Variants in SHROOM3 observed in about 807,000 individuals in gnomAD.
SHROOM3 encodes protein Shroom3.
SHROOM3 carries 47 observed loss-of-function variants against 138.6 expected under a neutral mutation model. The observed-to-expected ratio is 0.34, with a 90% CI of 0.27 to 0.43. The LOEUF (loss-of-function observed/expected upper bound fraction) is 0.43. Ranked by LOEUF, SHROOM3 falls within the 20% of genes least tolerant of loss-of-function variation. SHROOM3 has a pLI of 1.00. For missense variants in SHROOM3, 2,491 were observed against 2,596.5 expected, an observed-to-expected ratio of 0.96 and a Z score of 0.88; for synonymous variants, 1,062 against 1,063.3, an observed-to-expected ratio of 1.00 and a Z score of 0.02.
chr4:76,672,052 A>G (rs912665969), intron 2 of SHROOM3, among the ~76,000 whole-genome samples: 1 of 152,170 alleles, frequency 6.6e-6, no homozygotes, highest in Non-Finnish European at 1.5e-5. Flanking sequence ...GTGATACCAT[A>G]GCCCCCACAT....
Position 76,738,919 on chromosome 4 carries a change from T to G in SHROOM3, c.746T>G (p.Leu249Arg). 6.2e-7 allele frequency: 1 copy of G among 1,614,202 alleles called. No individual in the cohort carries two copies. The part of the protein sequence containing the change: ...PAKSTGSIDQ[L>R]SHFHNKRDSA... ...AAGTCCACCGGCAGCATTGACCAGC[T>G]CAGCCACTTCCATAACAAGAGAGAC... is the stretch of plus-strand genomic sequence containing the variant. The change falls in exon 5 of 11, where the codon CTC becomes CGC. Residue 249 changes from leucine (L) to arginine (R), a missense_variant. Physicochemically the swap from Leu to Arg is moderately radical, Grantham distance 102. Coordinates refer to ENST00000296043, the MANE Select transcript of SHROOM3 (RefSeq NM_020859.4).
At chr4:76,619,037 G>A (rs927617369) in intron 2 of SHROOM3, among the ~76,000 whole-genome samples, 6 of 152,022 alleles carry the variant, frequency 3.9e-5, no homozygotes, top group South Asian at 2.1e-4. Context: ...TAGTAGAGAC[G>A]GGGTTTCACA....
chr4:76,720,019 T>G (rs2110122570), intron 3 of SHROOM3, among the ~76,000 whole-genome samples: 1 of 152,328 alleles, frequency 6.6e-6, no homozygotes, highest in East Asian at 1.9e-4. Context: ...ACAACTTTTC[T>G]TTCCAGAAGG....
At chr4:76,513,753 TATC>T (rs1398636124) in intron 1 of SHROOM3, among the ~76,000 whole-genome samples, 1 of 152,214 alleles carries the variant, frequency 6.6e-6, no homozygotes, top group Non-Finnish European at 1.5e-5. Context: ...ACAGAGATAA[TATC>T]TCTGACCTTA....
chr4:76,748,411 AACTG>A lies in SHROOM3; in HGVS notation c.3754-603_3754-600del, dbSNP rs369577708. Among the ~76,000 whole-genome samples the A allele has an allele frequency of 4.1e-4, 62 of 152,168 alleles. No homozygotes were observed. In the East Asian group the frequency reaches 0.01, roughly 25 times the overall value. ...AGGGACCAAACTGTATACTATCAAAAACTGACAACCCTTTCAGGACTCCAGTATA... is the reference window on the plus strand; with the variant it reads ...AGGGACCAAACTGTATACTATCAAAAACAACCCTTTCAGGACTCCAGTATA... On this transcript the variant is annotated intron_variant, in intron 5 of 10. Coordinates refer to ENST00000296043, the MANE Select transcript of SHROOM3 (RefSeq NM_020859.4).
intron 2 of SHROOM3, among the ~76,000 whole-genome samples, chr4:76,599,460 A>G (rs1734459644): frequency 1.3e-5 from 2 of 152,200 alleles, no homozygotes; most frequent in South Asian, 4.1e-4. Flanking sequence ...AAGCTAGTTC[A>G]TCTCCTTTAT....
intron 2 of SHROOM3, among the ~76,000 whole-genome samples, chr4:76,590,138 A>G (rs1734235261): frequency 2.0e-5 from 3 of 152,212 alleles, no homozygotes; most frequent in African/African-American, 7.2e-5. Context: ...ACTGAAAGAG[A>G]GAGCATTAAA....
intron 2 of SHROOM3, among the ~76,000 whole-genome samples, chr4:76,589,489 A>C (rs1443492744): frequency 6.6e-6 from 1 of 152,008 alleles, no homozygotes. Context: ...AAAAAGAAAA[A>C]AGACTCCTGG....
chr4:76,558,668 T>C (rs1416759588), intron 2 of SHROOM3, among the ~76,000 whole-genome samples: 1 of 152,202 alleles, frequency 6.6e-6, no homozygotes, highest in African/African-American at 2.4e-5. Flanking sequence ...ACCAGAATGC[T>C]ACTACACTGA....
intron 2 of SHROOM3, among the ~76,000 whole-genome samples, chr4:76,591,487 C>T (rs966877989): frequency 5.9e-5 from 9 of 152,138 alleles, no homozygotes; most frequent in Non-Finnish European, 1.2e-4. Context: ...CCAGAAGAGT[C>T]GCAAAATATT....
intron 5 of SHROOM3, among the ~76,000 whole-genome samples, chr4:76,744,521 T>C (rs1052244161): frequency 6.6e-6 from 1 of 152,228 alleles, no homozygotes; most frequent in South Asian, 2.1e-4. Context: ...GCCTTATTTG[T>C]AGTTATGATG....
intron 2 of SHROOM3, among the ~76,000 whole-genome samples, chr4:76,702,799 A>G (rs946657743): frequency 6.6e-6 from 1 of 152,192 alleles, no homozygotes; most frequent in Non-Finnish European, 1.5e-5. Context: ...CAAAGGGCTC[A>G]GTGGGTAGAG....
chr4:76,651,831 T>G (rs1383842964), intron 2 of SHROOM3, among the ~76,000 whole-genome samples: 2 of 152,180 alleles, frequency 1.3e-5, no homozygotes, highest in Non-Finnish European at 2.9e-5. Context: ...AACCATCAGT[T>G]TTGAATATGA....
At chr4:76,557,621 A>G (rs1210648015) in intron 2 of SHROOM3, among the ~76,000 whole-genome samples, 1 of 152,200 alleles carries the variant, frequency 6.6e-6, no homozygotes, top group African/African-American at 2.4e-5. Flanking sequence ...TGTCCTCACT[A>G]TACACACACA....
At chr4:76,593,590 C>G (rs1734320692) in intron 2 of SHROOM3, among the ~76,000 whole-genome samples, 1 of 152,162 alleles carries the variant, frequency 6.6e-6, no homozygotes, top group Admixed American at 6.5e-5. Flanking sequence ...AATCAGTAAT[C>G]TTTATGGCAT....
intron 2 of SHROOM3, among the ~76,000 whole-genome samples, chr4:76,626,490 T>C (rs2110069577): frequency 6.6e-6 from 1 of 152,304 alleles, no homozygotes; most frequent in African/African-American, 2.4e-5. Flanking sequence ...CATCCCCAAG[T>C]TGTACAAATA....
At position 76,484,340 on chromosome 4, in the gene SHROOM3, G is replaced by A. The variant is rs146835122; in HGVS notation, c.168+48120G>A. On this transcript the variant is annotated intron_variant, in intron 1 of 10. Transcript: ENST00000296043. ...TCATCCCCGCACTTTGAGAGGCTGA[G>A]GGGGGAGGATTGCTTGAGGCCAGGA... is the stretch of plus-strand genomic sequence containing the variant. 1.2e-3 allele frequency among the ~76,000 whole-genome samples: 190 copies of A among 152,186 alleles called. 1 individual carries two copies. The highest frequency in any genetic ancestry group is 4.5e-3 in the African/African-American group (185 of 41,498).
At chr4:76,496,692 T>C (rs1055231704) in intron 1 of SHROOM3, among the ~76,000 whole-genome samples, 9 of 152,210 alleles carry the variant, frequency 5.9e-5, no homozygotes, top group Middle Eastern at 3.2e-3. Flanking sequence ...CATGATATTG[T>C]AAGAGAAGCA....
chr4:76,457,127 G>A (rs1731042969), intron 1 of SHROOM3, among the ~76,000 whole-genome samples: 1 of 152,178 alleles, frequency 6.6e-6, no homozygotes, highest in African/African-American at 2.4e-5. Context: ...CTTGGGCTCA[G>A]AGGCCTGACA....
Sources: allele counts gnomAD v4.1 joint callset (sites outside exome capture counted in the v4.1 genomes callset), GRCh38; gene constraint gnomAD v4.1.1; transcripts MANE v1.5; gene names NCBI Gene and HGNC (gene_info 2026-07-23, HGNC 2026-07-21).